The following TENM2 variants were observed in gnomAD, a reference collection of about 807,000 sequenced individuals.
The protein encoded by TENM2 is teneurin-2.
TENM2 carries 52 observed loss-of-function variants against 245.2 expected under a neutral mutation model. The observed-to-expected ratio is 0.21, with a 90% CI of 0.17 to 0.27. The LOEUF is 0.27. Among genes scored for constraint, TENM2 ranks in the 10% least tolerant of loss-of-function variants. TENM2 has a pLI of 1.00. For missense variants in TENM2, 3,046 were observed against 3,666.8 expected (o/e 0.83, Z 4.37); for synonymous variants, 1,363 against 1,438.9 (o/e 0.95, Z 1.19).
chr5:167,493,098 C>T (rs12659553), intron 2 of TENM2, among the ~76,000 whole-genome samples: 1 of 151,926 alleles, frequency 6.6e-6, no homozygotes, highest in Non-Finnish European at 1.5e-5. Context: ...TTTTTTTACC[C>T]TGATAGGTTC....
At chr5:167,257,847 T>C in the TENM2 span, among the ~76,000 whole-genome samples, 1 of 151,930 alleles carries the variant, frequency 6.6e-6, no homozygotes, top group African/African-American at 2.4e-5. Flanking sequence ...AAAAAGGAGC[T>C]AGAAGTGGTC....
chr5:167,268,081 C>T, the TENM2 span, among the ~76,000 whole-genome samples: 32 of 152,008 alleles, frequency 2.1e-4, no homozygotes, highest in East Asian at 3.9e-3. Flanking sequence ...GAACTATCAA[C>T]ATTTTTGGCC....
rs998567015 is a variant in TENM2 at position 167,878,922 on chromosome 5, C to T, written c.712+2727C>T. 9.9e-5 allele frequency among the ~76,000 whole-genome samples: 15 copies of T among 152,046 alleles called. No homozygotes were observed. In the South Asian group the frequency reaches 1.0e-3, roughly 11 times the overall value. ...TCTGAGAATCTGGTACTACTTTGGT[C>T]TTTGTCTCTTTCTTAGGTGAAATAA... On this transcript the variant is annotated intron_variant, in intron 3 of 28. Transcript: ENST00000518659.
intron 2 of TENM2, among the ~76,000 whole-genome samples, chr5:167,737,199 A>C (rs1162043575): frequency 6.6e-6 from 1 of 152,178 alleles, no homozygotes; most frequent in Non-Finnish European, 1.5e-5. Flanking sequence ...ACGAGCCTAA[A>C]GTGATCATTG....
intron 5 of TENM2, among the ~76,000 whole-genome samples, chr5:168,034,801 G>T (rs899234725): frequency 2.6e-5 from 4 of 151,960 alleles, no homozygotes; most frequent in Non-Finnish European, 4.4e-5. Flanking sequence ...TAAATAAATA[G>T]TATGATAAAA....
chr5:167,240,407 AT>A, the TENM2 span, among the ~76,000 whole-genome samples: 46 of 151,582 alleles, frequency 3.0e-4, no homozygotes, highest in African/African-American at 1.1e-3. Flanking sequence ...AAGCTTTCTT[AT>A]TTTTTTTAAT....
intron 2 of TENM2, among the ~76,000 whole-genome samples, chr5:167,433,611 T>C (rs969451820): frequency 7.2e-5 from 11 of 152,154 alleles, no homozygotes; most frequent in African/African-American, 2.7e-4. Flanking sequence ...AACCTGAACA[T>C]AGCTAATACT....
chr5:167,411,573 A>AGTGTGTGTGTGTGTGTGT (rs60856762), intron 2 of TENM2, among the ~76,000 whole-genome samples: 1 of 145,046 alleles, frequency 6.9e-6, no homozygotes, highest in African/African-American at 2.6e-5. Flanking sequence ...TGTAGGTGAG[A>AGTGTGTGTGTGTGTGTGT]GTGTGTGTGT....
At chr5:167,061,885 C>T in the TENM2 span, among the ~76,000 whole-genome samples, 1 of 150,416 alleles carries the variant, frequency 6.6e-6, no homozygotes, top group Admixed American at 6.7e-5. Context: ...CTCGTAGGCA[C>T]AGCTGTCAAG....
intron 2 of TENM2, among the ~76,000 whole-genome samples, chr5:167,830,745 A>T (rs1236214029): frequency 6.6e-6 from 1 of 152,178 alleles, no homozygotes; most frequent in East Asian, 1.9e-4. Context: ...CTCAAACTTG[A>T]GAGCACGTCT....
At chr5:167,472,785 G>T (rs1015754567) in intron 2 of TENM2, among the ~76,000 whole-genome samples, 1 of 152,212 alleles carries the variant, frequency 6.6e-6, no homozygotes, top group Non-Finnish European at 1.5e-5. Flanking sequence ...AATGCTACGT[G>T]TGAAGTTAAT....
At chr5:167,997,321 C>G (rs1784125953) in intron 5 of TENM2, among the ~76,000 whole-genome samples, 1 of 152,130 alleles carries the variant, frequency 6.6e-6, no homozygotes, top group East Asian at 1.9e-4. Context: ...AATAAATGAT[C>G]CCGTTGATAG....
At chr5:167,068,765 T>C in the TENM2 span, among the ~76,000 whole-genome samples, 2 of 152,228 alleles carry the variant, frequency 1.3e-5, no homozygotes, top group African/African-American at 2.4e-5. Context: ...TGACTGGTTT[T>C]GGTATATACA....
the TENM2 span, among the ~76,000 whole-genome samples, chr5:167,140,112 C>T: frequency 1.3e-5 from 2 of 152,106 alleles, no homozygotes; most frequent in Admixed American, 1.3e-4. Context: ...CTGAGTTTGG[C>T]ATTTGACACA....
intron 2 of TENM2, among the ~76,000 whole-genome samples, chr5:167,513,607 A>G (rs115195520): frequency 0.05 from 7,568 of 152,226 alleles, 405 homozygotes; most frequent in Admixed American, 0.11. Context: ...TGGAATAGCC[A>G]CTTTAGAGCA....
At chr5:167,389,460 A>G (rs1561916588) in intron 2 of TENM2, among the ~76,000 whole-genome samples, 1 of 152,024 alleles carries the variant, frequency 6.6e-6, no homozygotes, top group Non-Finnish European at 1.5e-5. Context: ...TTTTTTGGAA[A>G]TAAACTAAAA....
chr5:167,455,536 C>G (rs1765866880), intron 2 of TENM2, among the ~76,000 whole-genome samples: 1 of 128,854 alleles, frequency 7.8e-6, no homozygotes, highest in Non-Finnish European at 1.6e-5. Context: ...TATTTTTTTT[C>G]CAAGTGATGT....
chr5:167,070,774 C>A, the TENM2 span, among the ~76,000 whole-genome samples: 1 of 152,140 alleles, frequency 6.6e-6, no homozygotes, highest in East Asian at 1.9e-4. Context: ...AATCCTTACA[C>A]TGTACCCAGT....
At chr5:168,186,069 G>C (rs183635964) in intron 13 of TENM2, 66 of 150,752 alleles carry the variant, frequency 4.4e-4, no homozygotes, top group Admixed American at 9.9e-4. Flanking sequence ...TTATAACTCA[G>C]TTTTTAATGC....
Sources: allele counts gnomAD v4.1 joint callset (sites outside exome capture counted in the v4.1 genomes callset), GRCh38; gene constraint gnomAD v4.1.1; transcripts MANE v1.5; gene names NCBI Gene and HGNC (gene_info 2026-07-23, HGNC 2026-07-21).